The following ZRANB3 variants were observed in gnomAD, a reference collection of about 807,000 sequenced individuals.
ZRANB3 encodes the protein zinc finger RANBP2-type containing 3, also known as DNA annealing helicase and endonuclease ZRANB3.
ZRANB3 carries 125 observed loss-of-function variants against 133.8 expected under a neutral mutation model. The ratio of observed to expected loss-of-function variants is 0.93; its 90% confidence interval spans 0.81 to 1.08. The LOEUF (loss-of-function observed/expected upper bound fraction) is 1.08. Ranked by LOEUF, ZRANB3 falls within the 50% of genes least tolerant of loss-of-function variation. The pLI, the probability that ZRANB3 is intolerant of heterozygous loss-of-function variation, is 0.00. For missense variants in ZRANB3, 1,229 were observed against 1,275.5 expected (o/e 0.96, Z 0.56); for synonymous variants, 387 against 432.7 (o/e 0.89, Z 1.31).
intron 15 of ZRANB3, among the ~76,000 whole-genome samples, 178 bp downstream of exon 15, chr2:135,224,248 A>G (rs1694668104): frequency 6.6e-6 from 1 of 152,194 alleles, no homozygotes; most frequent in Non-Finnish European, 1.5e-5. Flanking sequence ...TATGTTCTTA[A>G]AGACGTGTGG....
At chr2:135,400,644 C>G (rs1687695249) in intron 2 of ZRANB3, among the ~76,000 whole-genome samples, 1 of 152,180 alleles carries the variant, frequency 6.6e-6, no homozygotes, top group Admixed American at 6.5e-5. Context: ...CTTTAGGTCA[C>G]TAATTCTTAA....
intron 2 of ZRANB3, among the ~76,000 whole-genome samples, chr2:135,494,561 A>C (rs1692580310): frequency 6.6e-6 from 1 of 152,224 alleles, no homozygotes; most frequent in South Asian, 2.1e-4. Flanking sequence ...ATAATATCTC[A>C]TGTTAATTGT....
At chr2:135,270,905 T>A (rs1680480880) in intron 10 of ZRANB3, among the ~76,000 whole-genome samples, 1 of 152,224 alleles carries the variant, frequency 6.6e-6, no homozygotes, top group Non-Finnish European at 1.5e-5. Context: ...GTCCAGAAGA[T>A]CCCCTCTTAC....
chr2:135,349,080 A>G (rs983342390), intron 5 of ZRANB3, among the ~76,000 whole-genome samples: 1 of 152,332 alleles, frequency 6.6e-6, no homozygotes, highest in Middle Eastern at 3.4e-3. Flanking sequence ...GCATTTTATC[A>G]TCACTATCTA....
chr2:135,339,502 A>T (rs1249831821), intron 6 of ZRANB3, among the ~76,000 whole-genome samples: 1 of 151,966 alleles, frequency 6.6e-6, no homozygotes, highest in Non-Finnish European at 1.5e-5. Context: ...GGATCACCTG[A>T]GCCAAGGCAG....
rs143447979 is a variant in ZRANB3, at chr2:135,352,585, T to C, written c.359+865A>G. Among the ~76,000 whole-genome samples the C allele has an allele frequency of 3.0e-3, 454 of 152,254 alleles. 2 individuals are homozygous for C. The highest frequency in any genetic ancestry group is 0.01 in the African/African-American group (429 of 41,564). ...ATGCTACTGAATTAGCATTTCAAGG[T>C]TGAAAGTGAAAAGGCCCTCCATACA... On this transcript the variant is annotated intron_variant, in intron 4 of 20. Transcript: ENST00000264159.
At chr2:135,400,934 G>A (rs955474494) in intron 2 of ZRANB3, among the ~76,000 whole-genome samples, 2 of 152,174 alleles carry the variant, frequency 1.3e-5, no homozygotes, top group African/African-American at 4.8e-5. Context: ...TAACTGTTAA[G>A]TCATTTAGAT....
At chr2:135,529,272 C>A (rs1292302876) in intron 1 of ZRANB3, among the ~76,000 whole-genome samples, 1 of 152,178 alleles carries the variant, frequency 6.6e-6, no homozygotes, top group African/African-American at 2.4e-5. Flanking sequence ...AAACCCTTTT[C>A]TGTAACTTGT....
At chr2:135,513,653 T>C (rs1329166828) in intron 1 of ZRANB3, among the ~76,000 whole-genome samples, 2 of 152,188 alleles carry the variant, frequency 1.3e-5, no homozygotes, top group African/African-American at 2.4e-5. Flanking sequence ...GGTTATGGTA[T>C]GGTTTTAGAC....
At chr2:135,303,418 C>T (rs1682536896) in intron 8 of ZRANB3, among the ~76,000 whole-genome samples, 1 of 152,044 alleles carries the variant, frequency 6.6e-6, no homozygotes, top group Non-Finnish European at 1.5e-5. Flanking sequence ...ATGTTCAAGA[C>T]TTCTTTTTTT....
intron 2 of ZRANB3, among the ~76,000 whole-genome samples, chr2:135,488,603 C>A (rs1377790583): frequency 6.6e-6 from 1 of 151,450 alleles, no homozygotes. Context: ...ATATGCAAAG[C>A]ACAATTTGTA....
At chr2:135,507,658 CCTT>C (rs1332819394) in intron 1 of ZRANB3, among the ~76,000 whole-genome samples, 1 of 151,148 alleles carries the variant, frequency 6.6e-6, no homozygotes, top group Non-Finnish European at 1.5e-5. Flanking sequence ...ATTCAAGACT[CCTT>C]TTTTTTTTTT....
At chr2:135,317,880 C>T (rs184544716) in intron 6 of ZRANB3, among the ~76,000 whole-genome samples, 24 of 152,214 alleles carry the variant, frequency 1.6e-4, no homozygotes, top group African/African-American at 5.1e-4. Context: ...TCTAGAGCTT[C>T]GAATGCTAGT....
intron 2 of ZRANB3, among the ~76,000 whole-genome samples, chr2:135,442,598 G>C (rs1192784174): frequency 6.6e-6 from 1 of 152,144 alleles, no homozygotes; most frequent in African/African-American, 2.4e-5. Flanking sequence ...ACTGTTGGTG[G>C]GAGTGTAAAT....
chr2:135,272,438 G>A lies in ZRANB3; in HGVS notation c.1087-551C>T, dbSNP rs1195252415. Reference sequence around the variant, plus strand: ...GCTTTTTTTTTTTTTTTTTTGTGACGGAGTCTTGCTCTGTCACCCAGGCTG... The same window carrying A: ...GCTTTTTTTTTTTTTTTTTTGTGACAGAGTCTTGCTCTGTCACCCAGGCTG... On this transcript the variant is annotated intron_variant, in intron 9 of 20. Coordinates refer to ENST00000264159, the MANE Select transcript of ZRANB3 (RefSeq NM_032143.4). Among the ~76,000 whole-genome samples, 8 of 86,896 alleles carry A rather than the reference G, an allele frequency of 9.2e-5. No homozygotes were observed. The East Asian group carries it at 2.0e-3, about 21-fold the overall frequency. The allele number at this position is 86,896 out of a possible 152,430, so 57.0% of individuals were successfully genotyped here. A position where few individuals can be genotyped will look rare whatever the true frequency, so the allele number is the denominator to read the frequency against.
chr2:135,331,690 C>T (rs991351137), intron 6 of ZRANB3, among the ~76,000 whole-genome samples: 10 of 152,110 alleles, frequency 6.6e-5, no homozygotes, highest in African/African-American at 2.2e-4. Context: ...GTCTAGGTCT[C>T]TTTGTAGCTC....
intron 2 of ZRANB3, among the ~76,000 whole-genome samples, chr2:135,500,963 A>C (rs558594939): frequency 3.2e-4 from 48 of 152,140 alleles, no homozygotes; most frequent in Non-Finnish European, 6.0e-4. Flanking sequence ...AGCAGACAAA[A>C]CAAATGGGGG....
intron 6 of ZRANB3, among the ~76,000 whole-genome samples, chr2:135,341,944 C>T (rs1684687760): frequency 1.3e-5 from 2 of 150,056 alleles, no homozygotes. Context: ...GGGACATGAA[C>T]TTAATCAGCA....
At chr2:135,375,410 G>A (rs1357054400) in intron 3 of ZRANB3, among the ~76,000 whole-genome samples, 97 of 152,182 alleles carry the variant, frequency 6.4e-4, no homozygotes, top group African/African-American at 4.8e-5. Flanking sequence ...AAGTGGCCGG[G>A]CACGGTGGCT....
Sources: allele counts gnomAD v4.1 joint callset (sites outside exome capture counted in the v4.1 genomes callset), GRCh38; gene constraint gnomAD v4.1.1; transcripts MANE v1.5; gene names NCBI Gene and HGNC (gene_info 2026-07-23, HGNC 2026-07-21).